IL12B: variants seen among roughly 807,000 people sequenced by gnomAD.
IL12B encodes the protein interleukin 12B.
Under a neutral mutation model 39.2 loss-of-function variants are expected in IL12B, and 27 were observed. The observed-to-expected ratio is 0.69, with a 90% confidence interval of 0.51 to 0.95. The LOEUF (loss-of-function observed/expected upper bound fraction) is 0.95. Among genes scored for constraint, IL12B ranks in the 40% least tolerant of loss-of-function variants. The pLI, the probability that IL12B is intolerant of heterozygous loss-of-function variation, is 0.00. For missense variants in IL12B, 351 were observed against 397.6 expected (o/e 0.88, Z 1.00); for synonymous variants, 142 against 152.1 (o/e 0.93, Z 0.49).
rs565135163 is a variant in IL12B, at chr5:159,327,046, T to C, written c.1-264A>G. On this transcript the variant is annotated intron_variant, in intron 1 of 7. Transcript: ENST00000231228. Reference sequence around the variant, plus strand: ...GAGAACCATAGGGTATTTGGGGCTCTGGAGCTGAAAGAGACCTAAGGCAAG... The same window carrying C: ...GAGAACCATAGGGTATTTGGGGCTCCGGAGCTGAAAGAGACCTAAGGCAAG... Among the ~76,000 whole-genome samples, 7 of 152,324 alleles carry C rather than the reference T, an allele frequency of 4.6e-5. No homozygotes were observed. The East Asian group carries it at 9.6e-4, about 21-fold the overall frequency.
chr5:159,318,669 T>C, intron 6 of IL12B, 67 bp downstream of exon 6: 1 of 1,357,630 alleles, frequency 7.4e-7, no homozygotes, highest in African/African-American at 1.4e-5. Context: ...ATCATTCATC[T>C]TCTCACTTTA....
chr5:159,322,793 C>T (rs1307303887), intron 3 of IL12B, among the ~76,000 whole-genome samples: 1 of 152,132 alleles, frequency 6.6e-6, no homozygotes, highest in African/African-American at 2.4e-5. Flanking sequence ...TAAATAATAT[C>T]ACCATTATTT....
intron 1 of IL12B, among the ~76,000 whole-genome samples, chr5:159,328,426 G>A (rs1168292744): frequency 2.0e-5 from 3 of 152,226 alleles, no homozygotes; most frequent in Non-Finnish European, 4.4e-5. Flanking sequence ...CTGAGCCTCA[G>A]TCTCTTTGTC....
rs1754132833 is a variant in IL12B, at chr5:159,323,301, C to T, written c.117G>A (p.Pro39=). The change falls in exon 3 of 8, where the codon CCG becomes CCA. Residue 39 remains proline (P), a synonymous_variant. Transcript: ENST00000231228. The part of the protein sequence containing the change: ...DVYVVELDWY[P]DAPGEMVVLT... ...GGACCACCATTTCTCCAGGGGCATCCGGATACCAATCCAATTCTACGACAT... is the reference window on the plus strand; with the variant it reads ...GGACCACCATTTCTCCAGGGGCATCTGGATACCAATCCAATTCTACGACAT... The T allele has an allele frequency of 1.5e-5, 25 of 1,613,910 alleles. No individual in the cohort carries two copies. Among genetic ancestry groups the T allele is most frequent in the African/African-American group, 2.7e-5 (2 of 74,922 alleles).
chr5:159,329,623 A>T (rs1754244538), intron 1 of IL12B, among the ~76,000 whole-genome samples: 1 of 152,130 alleles, frequency 6.6e-6, no homozygotes, highest in Non-Finnish European at 1.5e-5. Context: ...TATTAGTAGC[A>T]TGAAGGAATG....
At chr5:159,319,738 C>T (rs113808562) in intron 5 of IL12B, among the ~76,000 whole-genome samples, 10 of 152,344 alleles carry the variant, frequency 6.6e-5, no homozygotes, top group African/African-American at 2.4e-4. Context: ...AAGTACAAAC[C>T]CTCCATAAGT....
intron 2 of IL12B, among the ~76,000 whole-genome samples, chr5:159,323,971 C>A (rs3213093): frequency 6.6e-6 from 1 of 151,140 alleles, no homozygotes; most frequent in Non-Finnish European, 1.5e-5. Flanking sequence ...TGTTAGTTAT[C>A]GTTACTTATA....
At position 159,316,705 on chromosome 5, in the gene IL12B, C is replaced by G; in HGVS notation, c.967G>C (p.Ala323Pro). Residue 323 changes from alanine (A) to proline (P), a missense_variant, in exon 7 of 8, where the codon GCA becomes CCA. Transcript: ENST00000231228. ...CTCACCTAACTGCAGGGCACAGATGCCCATTCGCTCCAAGATGAGCTATAG... is the reference window on the plus strand; with the variant it reads ...CTCACCTAACTGCAGGGCACAGATGGCCATTCGCTCCAAGATGAGCTATAG... ...RYYSSSWSEW[A>P]SVPCS 6.2e-7 allele frequency: 1 copy of G among 1,613,476 alleles called. No individual in the cohort carries two copies. The highest frequency in any genetic ancestry group is 8.5e-7 in the Non-Finnish European group (1 of 1,179,840).
In IL12B at chr5:159,323,336, T is replaced by C; in HGVS notation, c.89-7A>G. On this transcript the variant is annotated splice_region_variant and splice_polypyrimidine_tract_variant and intron_variant, in intron 2 of 7. Coordinates refer to ENST00000231228, the MANE Select transcript of IL12B (RefSeq NM_002187.3). Reference sequence around the variant, plus strand: ...TCCAATTCTACGACATAAACTGGAATGCACATAAAGTGGAGAACCAGGCTG... The same window carrying C: ...TCCAATTCTACGACATAAACTGGAACGCACATAAAGTGGAGAACCAGGCTG... 6.2e-7 allele frequency: 1 copy of C among 1,613,548 alleles called. No individual in the cohort carries two copies. Among genetic ancestry groups the C allele is most frequent in the South Asian group, 1.1e-5 (1 of 91,068 alleles).
intron 2 of IL12B, among the ~76,000 whole-genome samples, chr5:159,326,020 AAG>A (rs2113034685): frequency 6.6e-6 from 1 of 152,354 alleles, no homozygotes; most frequent in Non-Finnish European, 1.5e-5. Context: ...TGAATCATGA[AAG>A]ATATTTTAAA....
rs1446793233 is a variant in IL12B at position 159,326,800 on chromosome 5, A to C, written c.1-18T>G. On this transcript the variant is annotated intron_variant, in intron 1 of 7. Coordinates refer to ENST00000231228, the MANE Select transcript of IL12B (RefSeq NM_002187.3). ...TGACACATCTATAAGAAGGGAGAGAAGCAGGGGGAAGAGAAGGAGGAAAAG... is the reference window on the plus strand; with the variant it reads ...TGACACATCTATAAGAAGGGAGAGACGCAGGGGGAAGAGAAGGAGGAAAAG... The C allele has an allele frequency of 1.4e-6, 2 of 1,445,932 alleles. No individual in the cohort carries two copies. Among genetic ancestry groups the C allele is most frequent in the Non-Finnish European group, 1.9e-6 (2 of 1,026,494 alleles). 89.6% of individuals were successfully genotyped at this position (1,445,932 alleles called of 1,614,324 possible).
intron 3 of IL12B, among the ~76,000 whole-genome samples, 180 bp from the exon 4 acceptor site, chr5:159,322,691 C>T (rs903029539): frequency 3.3e-5 from 5 of 152,214 alleles, no homozygotes; most frequent in Non-Finnish European, 5.9e-5. Context: ...GAGTACACTA[C>T]ACACCTAACA....
chr5:159,325,811 G>C (rs1754178633), intron 2 of IL12B, among the ~76,000 whole-genome samples: 1 of 152,158 alleles, frequency 6.6e-6, no homozygotes, highest in African/African-American at 2.4e-5. Context: ...TACAATTAAA[G>C]ATAGTAATCG....
chr5:159,315,303 C>T lies in IL12B; in HGVS notation c.*798G>A, dbSNP rs1753970273. The T allele has an allele frequency of 6.6e-6, 1 of 152,224 alleles. No homozygotes were observed. Among genetic ancestry groups the T allele is most frequent in the Non-Finnish European group, 1.5e-5 (1 of 68,104 alleles). 9.4% of individuals were successfully genotyped at this position (152,224 alleles called of 1,614,324 possible). On this transcript the variant is annotated 3_prime_UTR_variant, in exon 8 of 8. Coordinates refer to ENST00000231228, the MANE Select transcript of IL12B (RefSeq NM_002187.3). ...GACCTCCTGGGCTCAAGAGATCCTC[C>T]TGCCTCATCCTCCTGAACAGCTGGG...
intron 2 of IL12B, chr5:159,325,641 TC>T (rs1161956223): frequency 1.3e-5 from 2 of 152,224 alleles, no homozygotes; most frequent in Admixed American, 6.5e-5. Context: ...AAGTCCCTGT[TC>T]CACCCTTACC....
rs1278298751 is a variant in IL12B, at chr5:159,315,706, T to A, written c.*395A>T. On this transcript the variant is annotated 3_prime_UTR_variant, in exon 8 of 8. Transcript: ENST00000231228. ...ACTTGCAGCCTTGCTTGAAAAGTTG[T>A]CAGTACAAATAAAATTAAATTCACA... The A allele has an allele frequency of 6.5e-6, 1 of 152,778 alleles. No homozygotes were observed. The highest frequency in any genetic ancestry group is 1.5e-5 in the Non-Finnish European group (1 of 68,042). The allele number at this position is 152,778 out of a possible 1,614,324, so 9.5% of individuals were successfully genotyped here.
intron 6 of IL12B, among the ~76,000 whole-genome samples, chr5:159,317,093 G>A (rs1754002262): frequency 6.6e-6 from 1 of 152,132 alleles, no homozygotes; most frequent in Admixed American, 6.5e-5. Context: ...AAGACCCCAT[G>A]GCCACTCACC....
In IL12B at chr5:159,327,280, G is replaced by T. The variant is rs1754207496; in HGVS notation, c.1-498C>A. ...CTTTTACTCAATAAATATTTATTAA[G>T]TCAGTGTGTTAAATGCCTCCCCGCC... On this transcript the variant is annotated intron_variant, in intron 1 of 7. Coordinates refer to ENST00000231228, the MANE Select transcript of IL12B (RefSeq NM_002187.3). Among the ~76,000 whole-genome samples the T allele has an allele frequency of 2.0e-5, 3 of 152,166 alleles. No homozygotes were observed. In the South Asian group the frequency reaches 6.2e-4, roughly 32 times the overall value.
chr5:159,324,624 A>G (rs2113032740), intron 2 of IL12B, among the ~76,000 whole-genome samples: 1 of 152,348 alleles, frequency 6.6e-6, no homozygotes, highest in South Asian at 2.1e-4. Flanking sequence ...TGGATTTAGA[A>G]GCAGCTCTAG....
Sources: allele counts gnomAD v4.1 joint callset (sites outside exome capture counted in the v4.1 genomes callset), GRCh38; gene constraint gnomAD v4.1.1; transcripts MANE v1.5; gene names NCBI Gene and HGNC (gene_info 2026-07-23, HGNC 2026-07-21).